Variants in EML4 observed in about 807,000 individuals in gnomAD.
The protein encoded by EML4 is echinoderm microtubule-associated protein-like 4.
Under a neutral mutation model 129.0 loss-of-function variants are expected in EML4, and 72 were observed. The ratio of observed to expected loss-of-function variants is 0.56; its 90% CI spans 0.46 to 0.68. The LOEUF is 0.68. EML4 is among the 30% of genes least tolerant of loss of function. EML4 has a pLI of 0.00. For missense variants in EML4, 1,363 were observed against 1,190.6 expected, an observed-to-expected ratio of 1.14 and a Z score of -2.13; for synonymous variants, 532 against 405.0, an observed-to-expected ratio of 1.31 and a Z score of -3.77.
chr2:42,280,431 A>G (rs1666940807), intron 6 of EML4, among the ~76,000 whole-genome samples: 1 of 152,224 alleles, frequency 6.6e-6, no homozygotes, highest in Non-Finnish European at 1.5e-5. Context: ...TTCTACATCC[A>G]CAGATTCAGC....
At chr2:42,206,570 G>C (rs1445000234) in intron 1 of EML4, among the ~76,000 whole-genome samples, 1 of 152,106 alleles carries the variant, frequency 6.6e-6, no homozygotes, top group Non-Finnish European at 1.5e-5. Context: ...CTTTAATCTG[G>C]AACTGAACTG....
chr2:42,169,394 C>G lies in EML4; in HGVS notation c.-218C>G, dbSNP rs969328356. The G allele has an allele frequency of 2.8e-6, 1 of 357,080 alleles. No individual in the cohort carries two copies. Among genetic ancestry groups the G allele is most frequent in the African/African-American group, 2.1e-5 (1 of 46,710 alleles). 22.1% of individuals were successfully genotyped at this position (357,080 alleles called of 1,614,324 possible). On this transcript the variant is annotated 5_prime_UTR_variant, in exon 1 of 23. Transcript: ENST00000318522. ...CTGCCTGGGAGGGAGGCCGGGCAGG[C>G]GGCTGAGCGGCGCGGCTCTCAACGT...
chr2:42,211,157 A>G (rs1672863898), intron 1 of EML4, among the ~76,000 whole-genome samples: 1 of 152,206 alleles, frequency 6.6e-6, no homozygotes, highest in East Asian at 1.9e-4. Context: ...GATAGTGTGG[A>G]ACATATAAAA....
chr2:42,174,955 T>G (rs940661826), intron 1 of EML4, among the ~76,000 whole-genome samples: 1 of 151,352 alleles, frequency 6.6e-6, no homozygotes, highest in South Asian at 2.1e-4. Flanking sequence ...TAGCTGGGAT[T>G]ACAGGTGCCC....
intron 1 of EML4, among the ~76,000 whole-genome samples, chr2:42,237,062 C>A (rs536418904): frequency 6.6e-6 from 1 of 152,266 alleles, no homozygotes; most frequent in Non-Finnish European, 1.5e-5. Context: ...CCTCAGCCTC[C>A]TAAGTAGCTG....
intron 11 of EML4, among the ~76,000 whole-genome samples, chr2:42,293,159 A>G (rs1247198407): frequency 6.6e-6 from 1 of 151,370 alleles, no homozygotes; most frequent in Non-Finnish European, 1.5e-5. Flanking sequence ...CCCAGGCTGG[A>G]GTGCAGTGGC....
At chr2:42,281,831 A>G (rs1395415238) in intron 7 of EML4, among the ~76,000 whole-genome samples, 2 of 152,160 alleles carry the variant, frequency 1.3e-5, no homozygotes, top group African/African-American at 4.8e-5. Flanking sequence ...ACTCAGTGAA[A>G]CAGAAGGAGT....
chr2:42,190,720 G>C (rs1302468290), intron 1 of EML4, among the ~76,000 whole-genome samples: 3 of 152,094 alleles, frequency 2.0e-5, no homozygotes, highest in Non-Finnish European at 4.4e-5. Context: ...TCTTGCATAG[G>C]GGTTGGCAAC....
At chr2:42,317,266 G>A (rs1669292468) in intron 18 of EML4, among the ~76,000 whole-genome samples, 161 bp from the exon 19 acceptor site, 2 of 152,180 alleles carry the variant, frequency 1.3e-5, no homozygotes, top group African/African-American at 4.8e-5. Flanking sequence ...TAGACTGGAT[G>A]ACCATTTATT....
chr2:42,259,082 G>A (rs1402092265), intron 3 of EML4, among the ~76,000 whole-genome samples: 1 of 151,996 alleles, frequency 6.6e-6, no homozygotes, highest in East Asian at 1.9e-4. Context: ...CCCCATCTCT[G>A]CTAAAAATGT....
intron 21 of EML4, among the ~76,000 whole-genome samples, chr2:42,328,082 T>C (rs1669906561): frequency 6.6e-6 from 1 of 152,206 alleles, no homozygotes; most frequent in Non-Finnish European, 1.5e-5. Context: ...GCTGGTAGCT[T>C]CTGTGGTTAT....
In EML4 at chr2:42,295,190, C is replaced by T. The variant is rs747987172; in HGVS notation, c.1284C>T (p.Cys428=). The T allele has an allele frequency of 6.8e-6, 11 of 1,612,586 alleles. No homozygotes were observed. The highest frequency in any genetic ancestry group is 2.2e-5 in the East Asian group (1 of 44,864). Reference sequence around the variant, plus strand: ...CAGATGCAAATACCATAATTACATGCGGTAAATCTCATATTTTCTTCTGGA... The same window carrying T: ...CAGATGCAAATACCATAATTACATGTGGTAAATCTCATATTTTCTTCTGGA... ...HPTDANTIIT[C]GKSHIFFWTW... is the part of the protein sequence containing the mutation. Residue 428 remains cysteine (C), a synonymous_variant, in exon 12 of 23, where the codon TGC becomes TGT. Coordinates refer to ENST00000318522, the MANE Select transcript of EML4 (RefSeq NM_019063.5).
chr2:42,213,656 C>T (rs1266602155), intron 1 of EML4, among the ~76,000 whole-genome samples: 2 of 151,942 alleles, frequency 1.3e-5, no homozygotes, highest in Non-Finnish European at 2.9e-5. Context: ...TTCGCAGCAG[C>T]GATATGAATC....
rs1671084923 is a variant in EML4, at chr2:42,183,705, C to G, written c.25+14069C>G. Among the ~76,000 whole-genome samples, 3 of 151,792 alleles carry G rather than the reference C, an allele frequency of 2.0e-5. No homozygotes were observed. In the South Asian group the frequency reaches 6.3e-4, roughly 32 times the overall value. ...TGTGTATACAAGTATAAATAATATACTATGCTACCTTTATGGTTGGACATA... is the reference window on the plus strand; with the variant it reads ...TGTGTATACAAGTATAAATAATATAGTATGCTACCTTTATGGTTGGACATA... On this transcript the variant is annotated intron_variant, in intron 1 of 22. Transcript: ENST00000318522.
chr2:42,235,529 C>T (rs867987212), intron 1 of EML4, among the ~76,000 whole-genome samples: 2 of 152,278 alleles, frequency 1.3e-5, no homozygotes, highest in South Asian at 4.1e-4. Context: ...ATGGTCTTCA[C>T]TCAACGTTAG....
Position 42,295,117 on chromosome 2 carries a change from T to C in EML4, c.1219-8T>C. 1 of 1,602,282 alleles carries C rather than the reference T, an allele frequency of 6.2e-7. No individual in the cohort carries two copies. Among genetic ancestry groups the C allele is most frequent in the Non-Finnish European group, 8.5e-7 (1 of 1,176,368 alleles). ...CATTCATCTAAAGCTTTATTTCCCTTTTCATAGACAACAAATGAAGTTGTT... is the reference window on the plus strand; with the variant it reads ...CATTCATCTAAAGCTTTATTTCCCTCTTCATAGACAACAAATGAAGTTGTT... On this transcript the variant is annotated splice_region_variant and splice_polypyrimidine_tract_variant and intron_variant, in intron 11 of 22. Coordinates refer to ENST00000318522, the MANE Select transcript of EML4 (RefSeq NM_019063.5).
intron 1 of EML4, among the ~76,000 whole-genome samples, chr2:42,218,209 A>G (rs2104082577): frequency 6.6e-6 from 1 of 152,016 alleles, no homozygotes; most frequent in East Asian, 1.9e-4. Flanking sequence ...CCCTGTTGGG[A>G]ACTGTGCATG....
chr2:42,235,314 G>T (rs1280509019), intron 1 of EML4, among the ~76,000 whole-genome samples: 1 of 150,592 alleles, frequency 6.6e-6, no homozygotes, highest in Non-Finnish European at 1.5e-5. Flanking sequence ...AAAAAAAGTA[G>T]CAGAGCATGG....
intron 18 of EML4, among the ~76,000 whole-genome samples, chr2:42,316,703 G>A (rs1669262433): frequency 1.3e-5 from 2 of 152,130 alleles, no homozygotes; most frequent in Non-Finnish European, 2.9e-5. Context: ...GTCTTTATTT[G>A]AAAATATATG....
Sources: gnomAD v4.1 joint callset for allele counts (sites outside exome capture counted in the v4.1 genomes callset) on GRCh38, gnomAD v4.1.1 for gene constraint, MANE v1.5 for transcripts, NCBI Gene and HGNC (gene_info 2026-07-23, HGNC 2026-07-21) for gene names.